ERGIC1: variants seen among roughly 807,000 people sequenced by gnomAD.
The protein encoded by ERGIC1 is endoplasmic reticulum-golgi intermediate compartment 1.
In ERGIC1, 19 loss-of-function variants were observed where a neutral mutation model predicts 38.3. That is an observed-to-expected ratio of 0.50 (90% confidence interval 0.35 to 0.73). The LOEUF (loss-of-function observed/expected upper bound fraction) is 0.73. ERGIC1 is among the 30% of genes least tolerant of loss of function. The pLI, the probability that ERGIC1 is intolerant of heterozygous loss-of-function variation, is 0.01. For missense variants in ERGIC1, 294 were observed against 389.2 expected (o/e 0.76, Z 2.06); for synonymous variants, 124 against 157.6 (o/e 0.79, Z 1.60).
In ERGIC1 at chr5:172,950,914, T is replaced by C. The variant is rs1764217227; in HGVS notation, c.*98T>C. ...CCCTCAATCTGGTCCCAAATCTGGC[T>C]GTGTCCCAAAGGGTGTGTGGGAAGT... On this transcript the variant is annotated 3_prime_UTR_variant, in exon 10 of 10. Transcript: ENST00000393784. The C allele has an allele frequency of 9.1e-7, 1 of 1,102,264 alleles. No homozygotes were observed. The highest frequency in any genetic ancestry group is 1.3e-6 in the Non-Finnish European group (1 of 776,410). 68.3% of individuals were successfully genotyped at this position (1,102,264 alleles called of 1,614,324 possible). A position where few individuals can be genotyped will look rare whatever the true frequency, so the allele number is the denominator to read the frequency against.
Position 172,935,250 on chromosome 5 carries a change from C to T in ERGIC1, c.705C>T (p.Leu235=), listed in dbSNP as rs1763863664. ...CTGCAATCTGGTTCCGCTACGACCT[C>T]AGCCCCATCACGGTCAAGTACACAG... ...IIPAIWFRYD[L]SPITVKYTER... The change falls in exon 9 of 10, where the codon CTC becomes CTT. Residue 235 remains leucine, a synonymous_variant. Transcript: ENST00000393784. 6.2e-7 allele frequency: 1 copy of T among 1,614,102 alleles called. No individual in the cohort carries two copies. Among genetic ancestry groups the T allele is most frequent in the South Asian group, 1.1e-5 (1 of 91,094 alleles).
At chr5:172,924,387 G>C (rs569596264) in intron 6 of ERGIC1, among the ~76,000 whole-genome samples, 102 of 152,214 alleles carry the variant, frequency 6.7e-4, no homozygotes, top group Non-Finnish European at 1.0e-3. Context: ...GGATCAGTAA[G>C]CGTATGTGAC....
chr5:172,879,652 G>A (rs1446068249), intron 1 of ERGIC1, among the ~76,000 whole-genome samples: 1 of 152,152 alleles, frequency 6.6e-6, no homozygotes, highest in Non-Finnish European at 1.5e-5. Flanking sequence ...CAGATTCTTG[G>A]TCTCCATGGA....
rs189132313 is a variant in ERGIC1, at chr5:172,836,012, G to T, written c.20+1579G>T. ...GGGATTCGTGCCACCGCCGCCCCCTGCCCCTGTGTGATTCAGTAGGTTCCG... is the reference window on the plus strand; with the variant it reads ...GGGATTCGTGCCACCGCCGCCCCCTTCCCCTGTGTGATTCAGTAGGTTCCG... On this transcript the variant is annotated intron_variant, in intron 1 of 9. Transcript: ENST00000393784. 1.4e-3 allele frequency among the ~76,000 whole-genome samples: 219 copies of T among 152,322 alleles called. 1 individual carries two copies. The highest frequency in any genetic ancestry group is 4.7e-3 in the Admixed American group (72 of 15,298).
At chr5:172,857,935 C>T (rs1761595131) in intron 1 of ERGIC1, among the ~76,000 whole-genome samples, 1 of 152,252 alleles carries the variant, frequency 6.6e-6, no homozygotes, top group Non-Finnish European at 1.5e-5. Context: ...GGTCACTGTG[C>T]CAGGCACTGC....
At chr5:172,914,620 A>G in intron 4 of ERGIC1, 94 bp from the exon 5 acceptor site, 3 of 1,608,062 alleles carry the variant, frequency 1.9e-6, no homozygotes, top group Non-Finnish European at 2.5e-6. Context: ...CTGCCCCTGC[A>G]ATGGATGAAT....
chr5:172,923,734 C>T (rs549138893), intron 5 of ERGIC1, among the ~76,000 whole-genome samples: 29 of 152,314 alleles, frequency 1.9e-4, no homozygotes, highest in South Asian at 8.3e-4. Flanking sequence ...TTGTGCCCGT[C>T]GCCCAGATGG....
At position 172,896,961 on chromosome 5, in the gene ERGIC1, C is replaced by T; in HGVS notation, c.83-41C>T. 3 of 1,598,164 alleles carry T rather than the reference C, an allele frequency of 1.9e-6. No homozygotes were observed. The East Asian group carries it at 6.7e-5, about 36-fold the overall frequency. Reference sequence around the variant, plus strand: ...TAGGCTGGTCTCCCTTCGTCAGTGCCCACCACCCTTAACAGTTTGCATTTC... The same window carrying T: ...TAGGCTGGTCTCCCTTCGTCAGTGCTCACCACCCTTAACAGTTTGCATTTC... On this transcript the variant is annotated intron_variant, in intron 2 of 9. Transcript: ENST00000393784.
intron 1 of ERGIC1, among the ~76,000 whole-genome samples, chr5:172,841,777 G>A (rs958073762): frequency 3.9e-5 from 6 of 152,212 alleles, no homozygotes; most frequent in African/African-American, 1.4e-4. Context: ...GGCTAGGCAT[G>A]TCATTGGACT....
rs1554110394 is a variant in ERGIC1, at chr5:172,893,905, A to ATGTGTGTGTGTGTGTGTG, written c.83-3083_83-3066dup. On this transcript the variant is annotated intron_variant, in intron 2 of 9. Coordinates refer to ENST00000393784, the MANE Select transcript of ERGIC1 (RefSeq NM_001031711.3). ...TATATATATATATATATATATATATATGTGTGTGTGTGTGTGTGTGTGTGT... is the reference window on the plus strand; with the variant it reads ...TATATATATATATATATATATATATATGTGTGTGTGTGTGTGTGTGTGTGTGTGTGTGTGTGTGTGTGT... Among the ~76,000 whole-genome samples the ATGTGTGTGTGTGTGTGTG allele has an allele frequency of 1.6e-3, 25 of 15,524 alleles. 1 individual carries two copies. Among genetic ancestry groups the ATGTGTGTGTGTGTGTGTG allele is most frequent in the South Asian group, 0.011 (2 of 178 alleles). 10.2% of individuals were successfully genotyped at this position (15,524 alleles called of 152,430 possible). A position where few individuals can be genotyped will look rare whatever the true frequency, so the allele number is the denominator to read the frequency against.
At chr5:172,946,949 C>T (rs1184260272) in intron 9 of ERGIC1, among the ~76,000 whole-genome samples, 4 of 151,722 alleles carry the variant, frequency 2.6e-5, no homozygotes, top group South Asian at 2.1e-4. Context: ...TTGGGGAGGC[C>T]GAGGCAGGCA....
At chr5:172,912,537 G>A (rs988648209) in intron 4 of ERGIC1, among the ~76,000 whole-genome samples, 34 of 151,908 alleles carry the variant, frequency 2.2e-4, no homozygotes, top group African/African-American at 8.0e-4. Flanking sequence ...ACAGGTGCCC[G>A]CCACCGTGCC....
intron 1 of ERGIC1, among the ~76,000 whole-genome samples, chr5:172,886,231 G>T (rs553422384): frequency 6.6e-6 from 1 of 152,066 alleles, no homozygotes; most frequent in Non-Finnish European, 1.5e-5. Context: ...TGCACATCGG[G>T]CTGTACCCTG....
chr5:172,914,510 A>G (rs1763299879), intron 4 of ERGIC1: 7 of 787,990 alleles, frequency 8.9e-6, no homozygotes, highest in Non-Finnish European at 1.4e-5. Context: ...GACCCCTACT[A>G]TGCACTGCCC....
At chr5:172,850,354 A>G (rs1435598342) in intron 1 of ERGIC1, among the ~76,000 whole-genome samples, 2 of 130,628 alleles carry the variant, frequency 1.5e-5, no homozygotes, top group Non-Finnish European at 3.1e-5. Flanking sequence ...CCACACAGGC[A>G]CGTCATCCTG....
chr5:172,914,584 G>A (rs1763304770), intron 4 of ERGIC1, 130 bp from the exon 5 acceptor site: 9 of 1,463,198 alleles, frequency 6.2e-6, no homozygotes, highest in Non-Finnish European at 8.5e-6. Flanking sequence ...CCCAGACCAT[G>A]AGCTCCTGGA....
intron 1 of ERGIC1, among the ~76,000 whole-genome samples, chr5:172,855,419 A>ACAAGCACACG (rs1761521873): frequency 1.3e-5 from 2 of 152,170 alleles, no homozygotes; most frequent in Non-Finnish European, 2.9e-5. Context: ...GTCATGTAAG[A>ACAAGCACACG]GATGTCTGTT....
Position 172,834,371 on chromosome 5 carries a change from G to T in ERGIC1, c.-43G>T, listed in dbSNP as rs1268589590. The T allele has an allele frequency of 5.5e-6, 7 of 1,272,142 alleles. No individual in the cohort carries two copies. Among genetic ancestry groups the T allele is most frequent in the Admixed American group, 4.0e-5 (1 of 24,810 alleles). 78.8% of individuals were successfully genotyped at this position (1,272,142 alleles called of 1,614,324 possible). On this transcript the variant is annotated 5_prime_UTR_variant, in exon 1 of 10. Transcript: ENST00000393784. This position sits in a 1 kb window ranked among gnomAD's most constrained non-coding sequence, Gnocchi z 4.1. ...CGGGCTCGGACCCACGCGGCGCCGCGGCCCGCCTGGCCTGCAGCGCTCCCA... is the reference window on the plus strand; with the variant it reads ...CGGGCTCGGACCCACGCGGCGCCGCTGCCCGCCTGGCCTGCAGCGCTCCCA...
intron 1 of ERGIC1, among the ~76,000 whole-genome samples, chr5:172,848,768 G>C (rs992188791): frequency 1.3e-5 from 2 of 152,250 alleles, no homozygotes; most frequent in African/African-American, 4.8e-5. Context: ...CAATGTGGCA[G>C]AGGGGTTCAC....
Sources: allele counts gnomAD v4.1 joint callset (sites outside exome capture counted in the v4.1 genomes callset), GRCh38; gene constraint gnomAD v4.1.1; non-coding constraint Gnocchi (gnomAD v3.1); transcripts MANE v1.5; gene names NCBI Gene and HGNC (gene_info 2026-07-23, HGNC 2026-07-21).